MACROD2: variants seen among roughly 807,000 people sequenced by gnomAD.
MACROD2 encodes mono-ADP ribosylhydrolase 2.
MACROD2 carries 36 observed loss-of-function variants against 70.4 expected under a neutral mutation model. That is an observed-to-expected ratio of 0.51 (90% confidence interval 0.39 to 0.68). The LOEUF (loss-of-function observed/expected upper bound fraction) is 0.68, where lower values mean the gene tolerates loss of function less well. MACROD2 is among the 30% of genes least tolerant of loss of function. The pLI, the probability that MACROD2 is intolerant of heterozygous loss-of-function variation, is 0.00. For synonymous variants in MACROD2, 172 were observed against 178.8 expected (o/e 0.96, Z 0.30); for missense variants, 496 against 538.4 (o/e 0.92, Z 0.78).
chr20:14,528,640 A>G (rs1259822752), intron 4 of MACROD2, among the ~76,000 whole-genome samples: 2 of 150,990 alleles, frequency 1.3e-5, no homozygotes, highest in Non-Finnish European at 1.5e-5. Flanking sequence ...TTTCTCCTTG[A>G]GATGTCTTTT....
At chr20:15,465,603 C>T (rs1235972919) in intron 7 of MACROD2, among the ~76,000 whole-genome samples, 2 of 152,228 alleles carry the variant, frequency 1.3e-5, no homozygotes, top group African/African-American at 4.8e-5. Flanking sequence ...ATCCATAGTC[C>T]ACAATCGGGC....
Position 14,954,737 on chromosome 20 carries a change from T to TATATAAATTATAAATTTTAAATA in MACROD2, c.418+269778_418+269779insATATAAATTATAAATTTTAAATA, listed in dbSNP as rs368844113. 9.2e-4 allele frequency among the ~76,000 whole-genome samples: 96 copies of TATATAAATTATAAATTTTAAATA among 104,620 alleles called. 1 individual carries two copies. The highest frequency in any genetic ancestry group is 3.0e-3 in the South Asian group (9 of 3,016). 68.6% of individuals were successfully genotyped at this position (104,620 alleles called of 152,430 possible). A position where few individuals can be genotyped will look rare whatever the true frequency, so the allele number is the denominator to read the frequency against. On this transcript the variant is annotated intron_variant, in intron 5 of 17. Transcript: ENST00000684519. ...ATATATAAATGTATAAATATATAAATTATAAATTATAAATATATAAATAAA... is the reference window on the plus strand; with the variant it reads ...ATATATAAATGTATAAATATATAAATATATAAATTATAAATTTTAAATATATAAATTATAAATATATAAATAAA...
intron 3 of MACROD2, among the ~76,000 whole-genome samples, chr20:14,266,936 T>C (rs1004421057): frequency 2.6e-5 from 4 of 152,096 alleles, no homozygotes; most frequent in African/African-American, 9.7e-5. Flanking sequence ...TTAGCATGGA[T>C]AAATACTGGA....
chr20:14,456,984 G>A (rs544342200), intron 3 of MACROD2, among the ~76,000 whole-genome samples: 2 of 151,698 alleles, frequency 1.3e-5, no homozygotes, highest in African/African-American at 4.9e-5. Flanking sequence ...CCTGGTTTCC[G>A]TTGGACTTTA....
chr20:14,697,628 T>C (rs2071142308), intron 5 of MACROD2, among the ~76,000 whole-genome samples: 1 of 152,204 alleles, frequency 6.6e-6, no homozygotes, highest in Non-Finnish European at 1.5e-5. Context: ...CACAGCCCTC[T>C]TTCCTCCCAT....
chr20:15,361,367 G>T (rs1165438515), intron 6 of MACROD2, among the ~76,000 whole-genome samples: 3 of 152,056 alleles, frequency 2.0e-5, no homozygotes, highest in Non-Finnish European at 2.9e-5. Flanking sequence ...TCAAGAAATC[G>T]GTTGGCCATA....
At chr20:14,249,128 GTTTTT>G (rs1173672516) in intron 3 of MACROD2, among the ~76,000 whole-genome samples, 1 of 103,074 alleles carries the variant, frequency 9.7e-6, no homozygotes, top group Non-Finnish European at 1.9e-5. Flanking sequence ...GATTTCAAAG[GTTTTT>G]TTTTTTTTTT....
At chr20:14,394,201 G>C (rs1192405500) in intron 3 of MACROD2, among the ~76,000 whole-genome samples, 3 of 152,128 alleles carry the variant, frequency 2.0e-5, no homozygotes, top group African/African-American at 7.2e-5. Context: ...ATCAATTTAA[G>C]GAAAATTGAC....
intron 5 of MACROD2, among the ~76,000 whole-genome samples, chr20:14,719,495 A>G (rs2071439061): frequency 6.6e-6 from 1 of 151,702 alleles, no homozygotes; most frequent in South Asian, 2.1e-4. Context: ...AAAGAAAGAA[A>G]GAAAGAAAAA....
chr20:15,477,386 T>G (rs913675379), intron 7 of MACROD2, among the ~76,000 whole-genome samples: 21 of 152,206 alleles, frequency 1.4e-4, no homozygotes, highest in African/African-American at 4.8e-4. Flanking sequence ...GCCTGGTGTA[T>G]TATTTTTTAA....
At chr20:14,684,815 T>C in intron 4 of MACROD2, 28 bp from the exon 5 acceptor site, 1 of 1,571,810 alleles carries the variant, frequency 6.4e-7, no homozygotes, top group Admixed American at 1.7e-5. Flanking sequence ...ATGCCAAATA[T>C]AAGCTAACTT....
At chr20:14,474,984 T>C (rs1368144048) in intron 3 of MACROD2, among the ~76,000 whole-genome samples, 1 of 151,954 alleles carries the variant, frequency 6.6e-6, no homozygotes, top group Admixed American at 6.5e-5. Context: ...AAGGGTGTAC[T>C]CCTGCCATTT....
At chr20:14,377,066 T>G (rs146664416) in intron 3 of MACROD2, among the ~76,000 whole-genome samples, 1 of 152,138 alleles carries the variant, frequency 6.6e-6, no homozygotes, top group African/African-American at 2.4e-5. Flanking sequence ...TGTGGGACCT[T>G]GAGCAAGTCA....
At position 15,173,437 on chromosome 20, in the gene MACROD2, C is replaced by G. The variant is rs6110539; in HGVS notation, c.419-56503C>G. On this transcript the variant is annotated intron_variant, in intron 5 of 17. Transcript: ENST00000684519. ...GTGATAGGATTTTTTTTATCTTCTC[C>G]TAATTGGGGGTAGGCAATTTCCTTA... is the stretch of plus-strand genomic sequence containing the variant. Among the ~76,000 whole-genome samples the G allele has an allele frequency of 3.2e-3, 482 of 152,170 alleles. 2 individuals are homozygous for G. Among genetic ancestry groups the G allele is most frequent in the South Asian group, 7.1e-3 (34 of 4,820 alleles).
chr20:14,127,837 T>C (rs759786984), intron 3 of MACROD2: 1 of 466,482 alleles, frequency 2.1e-6, no homozygotes, highest in Non-Finnish European at 4.3e-6. Flanking sequence ...CAGCAATCAA[T>C]AGCAGGAAGC....
intron 5 of MACROD2, among the ~76,000 whole-genome samples, chr20:15,084,456 G>A (rs1287816818): frequency 6.6e-6 from 1 of 152,112 alleles, no homozygotes; most frequent in Non-Finnish European, 1.5e-5. Context: ...CTGACCCATG[G>A]CCACCAACAT....
At chr20:14,207,720 A>G (rs1271469881) in intron 3 of MACROD2, among the ~76,000 whole-genome samples, 2 of 152,210 alleles carry the variant, frequency 1.3e-5, no homozygotes, top group Non-Finnish European at 2.9e-5. Flanking sequence ...AACATTAAAT[A>G]AGAGAAAAAC....
In MACROD2 at chr20:14,732,971, T is replaced by G. The variant is rs188945060; in HGVS notation, c.418+48012T>G. On this transcript the variant is annotated intron_variant, in intron 5 of 17. Coordinates refer to ENST00000684519, the MANE Select transcript of MACROD2 (RefSeq NM_001351661.2). ...GTTGTCATCTCACCAAATAGAAGAA[T>G]AAAAGACATAGCATAGCCACACTTG... 1.2e-3 allele frequency among the ~76,000 whole-genome samples: 176 copies of G among 152,266 alleles called. 1 individual carries two copies. Among genetic ancestry groups the G allele is most frequent in the Middle Eastern group, 0.01 (3 of 294 alleles).
intron 15 of MACROD2, among the ~76,000 whole-genome samples, chr20:16,036,169 CTATCA>C (rs1268229359): frequency 3.9e-5 from 6 of 151,946 alleles, no homozygotes; most frequent in African/African-American, 9.7e-5. Flanking sequence ...AGCTCTGTAC[CTATCA>C]TGTCACCTAT....
Sources: gnomAD v4.1 joint callset for allele counts (sites outside exome capture counted in the v4.1 genomes callset) on GRCh38, gnomAD v4.1.1 for gene constraint, MANE v1.5 for transcripts, NCBI Gene and HGNC (gene_info 2026-07-23, HGNC 2026-07-21) for gene names.